DYNC2H1: variants seen among roughly 807,000 people sequenced by gnomAD.
DYNC2H1 encodes the protein dynein cytoplasmic 2 heavy chain 1.
Under a neutral mutation model 570.0 loss-of-function variants are expected in DYNC2H1, and 410 were observed. The observed-to-expected ratio is 0.72, with a 90% CI of 0.66 to 0.78. The LOEUF is 0.78. Among genes scored for constraint, DYNC2H1 ranks in the 30% least tolerant of loss-of-function variants. DYNC2H1 has a pLI of 0.00. For synonymous variants in DYNC2H1, 1,688 were observed against 1,677.6 expected, an observed-to-expected ratio of 1.01 and a Z score of -0.15; for missense variants, 4,865 against 5,046.4, an observed-to-expected ratio of 0.96 and a Z score of 1.09.
At chr11:103,393,831 C>T (rs1320181396) in intron 83 of DYNC2H1, among the ~76,000 whole-genome samples, 3 of 152,150 alleles carry the variant, frequency 2.0e-5, no homozygotes, top group Non-Finnish European at 4.4e-5. Context: ...GGAGTTAAGT[C>T]ACTTCTTATG....
intron 70 of DYNC2H1, among the ~76,000 whole-genome samples, chr11:103,263,491 C>T (rs1865393790): frequency 6.6e-6 from 1 of 151,996 alleles, no homozygotes; most frequent in Non-Finnish European, 1.5e-5. Context: ...TGGAAAAGAA[C>T]GGAAATCATA....
chr11:103,281,716 CAA>C (rs71066145), intron 71 of DYNC2H1, among the ~76,000 whole-genome samples: 4,358 of 128,994 alleles, frequency 0.034, 212 homozygotes, highest in African/African-American at 0.11. Flanking sequence ...AATTCTATGG[CAA>C]AAAAAAAAAA....
intron 73 of DYNC2H1, among the ~76,000 whole-genome samples, chr11:103,283,937 A>G (rs1008027166): frequency 1.3e-5 from 2 of 152,104 alleles, no homozygotes; most frequent in Non-Finnish European, 2.9e-5. Context: ...TGCTAGTGAC[A>G]GTCTTTACTT....
chr11:103,228,924 G>T lies in DYNC2H1; in HGVS notation c.9354-2336G>T, dbSNP rs590622. Among the ~76,000 whole-genome samples, 143,582 of 152,038 alleles carry T rather than the reference G, an allele frequency of 0.94. 67,875 individuals carry two copies. The highest frequency in any genetic ancestry group is 0.98 in the African/African-American group (40,738 of 41,482). ...GGCTTGTTGTGGCTGCTGTGGGGGA[G>T]GGGGGTGTGGTTTCCAGTCCAATGT... On this transcript the variant is annotated intron_variant, in intron 59 of 88. Coordinates refer to ENST00000375735, the MANE Select transcript of DYNC2H1 (RefSeq NM_001377.3). This position sits in a 1 kb window ranked among gnomAD's most constrained non-coding sequence, Gnocchi z 6.1.
intron 84 of DYNC2H1, among the ~76,000 whole-genome samples, chr11:103,418,709 A>G (rs12420502): frequency 0.13 from 20,487 of 152,202 alleles, 1,644 homozygotes; most frequent in Admixed American, 0.24. Context: ...GTGTGGGGTA[A>G]TGGCCCACCT....
intron 85 of DYNC2H1, among the ~76,000 whole-genome samples, chr11:103,443,745 T>C (rs1944343684): frequency 6.6e-6 from 1 of 151,918 alleles, no homozygotes; most frequent in Non-Finnish European, 1.5e-5. Flanking sequence ...TTCTGAAATT[T>C]GATAAGTGAG....
In DYNC2H1 at chr11:103,325,057, T is replaced by G. The variant is rs772623546; in HGVS notation, c.12039+1067T>G. On this transcript the variant is annotated intron_variant, in intron 82 of 88. Transcript: ENST00000375735. This position sits in a 1 kb window ranked among gnomAD's most constrained non-coding sequence, Gnocchi z 4.8. ...GTTTTTTGCCCACTTTTTAATGGGC[T>G]TGTTTGTTTTTTGCTTGTTAATTTC... Among the ~76,000 whole-genome samples the G allele has an allele frequency of 2.6e-5, 4 of 152,222 alleles. No individual in the cohort carries two copies. The highest frequency in any genetic ancestry group is 6.5e-5 in the Admixed American group (1 of 15,288).
rs533199815 is a variant in DYNC2H1 at position 103,299,729 on chromosome 11, T to A, written c.11096-3364T>A. 2.0e-5 allele frequency among the ~76,000 whole-genome samples: 3 copies of A among 152,262 alleles called. No homozygotes were observed. Among genetic ancestry groups the A allele is most frequent in the Non-Finnish European group, 2.9e-5 (2 of 68,004 alleles). On this transcript the variant is annotated intron_variant, in intron 75 of 88. Coordinates refer to ENST00000375735, the MANE Select transcript of DYNC2H1 (RefSeq NM_001377.3). The surrounding 1 kb of genome is among the most constrained non-coding windows in gnomAD (Gnocchi z 4.5). ...CCCACCTGAATAACACAGGATAATCTTCTTACTTTTAGGTTCATGACCTTA... is the reference window on the plus strand; with the variant it reads ...CCCACCTGAATAACACAGGATAATCATCTTACTTTTAGGTTCATGACCTTA...
intron 70 of DYNC2H1, among the ~76,000 whole-genome samples, chr11:103,269,345 C>T (rs991025969): frequency 5.9e-5 from 9 of 152,098 alleles, no homozygotes; most frequent in Non-Finnish European, 1.0e-4. Context: ...AAATTTATCA[C>T]TATAACCTTA....
In DYNC2H1 at chr11:103,320,599, A is replaced by G. The variant is rs535101317; in HGVS notation, c.11726-430A>G. On this transcript the variant is annotated intron_variant, in intron 80 of 88. Transcript: ENST00000375735. ...CTGACAGTTTCATCAAATGTGTAAAATTATGTTTTGGATAGGTTCTCTTAA... is the reference window on the plus strand; with the variant it reads ...CTGACAGTTTCATCAAATGTGTAAAGTTATGTTTTGGATAGGTTCTCTTAA... Among the ~76,000 whole-genome samples the G allele has an allele frequency of 2.6e-5, 4 of 152,268 alleles. No individual in the cohort carries two copies. The South Asian group carries it at 8.3e-4, about 32-fold the overall frequency.
Position 103,479,241 on chromosome 11 carries a change from A to C in DYNC2H1, c.12912A>C (p.Leu4304=), listed in dbSNP as rs1465955032. 5 of 1,610,288 alleles carry C rather than the reference A, an allele frequency of 3.1e-6. No homozygotes were observed. The highest frequency in any genetic ancestry group is 3.4e-6 in the Non-Finnish European group (4 of 1,178,186). Residue 4304 remains leucine (L), a synonymous_variant, in exon 89 of 89, where the codon CTA becomes CTC. Transcript: ENST00000375735. ...TTCAGTGTGGAGCAGCTCTATTCCT[A>C]AAAAATCAGTAGAATCTAATGACAA... ...QWIQCGAALF[L]KNQ
intron 34 of DYNC2H1, 21 bp downstream of exon 34, chr11:103,171,089 T>G: frequency 6.5e-7 from 1 of 1,528,330 alleles, no homozygotes; most frequent in Non-Finnish European, 8.9e-7. Flanking sequence ...TGTTGGGAAT[T>G]TAAAGAATTA....
At chr11:103,158,594 C>T (rs1860939022) in intron 26 of DYNC2H1, 83 bp from the exon 27 acceptor site, 8 of 1,088,638 alleles carry the variant, frequency 7.3e-6, no homozygotes, top group African/African-American at 1.6e-5. Flanking sequence ...TCATTTTAAG[C>T]AGGTAAAAAA....
chr11:103,158,264 G>A (rs964427568), intron 26 of DYNC2H1, among the ~76,000 whole-genome samples: 6 of 152,062 alleles, frequency 3.9e-5, no homozygotes, highest in Admixed American at 6.6e-5. Context: ...TGGCTAACAC[G>A]GTGAAACCCC....
chr11:103,460,000 A>G (rs183752625), intron 87 of DYNC2H1, among the ~76,000 whole-genome samples: 292 of 151,702 alleles, frequency 1.9e-3, no homozygotes, highest in Middle Eastern at 0.017. Flanking sequence ...GGACTTAGAA[A>G]AGTTTTCTTT....
chr11:103,335,476 T>TCGGGGGAAAACA (rs561416419), intron 82 of DYNC2H1, among the ~76,000 whole-genome samples: 22,607 of 88,354 alleles, frequency 0.26, 1,829 homozygotes, highest in Admixed American at 0.38. Context: ...GGATGTTTGG[T>TCGGGGGAAAACA]TGGCTTCTGG....
intron 84 of DYNC2H1, among the ~76,000 whole-genome samples, chr11:103,431,940 GGTATTGCA>G (rs1360190432): frequency 2.6e-5 from 4 of 152,086 alleles, no homozygotes; most frequent in Admixed American, 2.0e-4. Flanking sequence ...GCTGGCTGCA[GGTATTGCA>G]GTTTTTGATG....
At chr11:103,271,169 A>G (rs532590711) in intron 70 of DYNC2H1, among the ~76,000 whole-genome samples, 264 of 152,268 alleles carry the variant, frequency 1.7e-3, no homozygotes, top group South Asian at 4.4e-3. Flanking sequence ...TTCTGCGAAG[A>G]TTAGTTTTTC....
At chr11:103,217,685 T>C (rs680071) in intron 55 of DYNC2H1, among the ~76,000 whole-genome samples, 137,199 of 152,172 alleles carry the variant, frequency 0.9, 61,947 homozygotes, top group African/African-American at 0.93. Flanking sequence ...AAGACTTGTT[T>C]GATGTGATAT....
Sources: gnomAD v4.1 joint callset for allele counts (sites outside exome capture counted in the v4.1 genomes callset) on GRCh38, gnomAD v4.1.1 for gene constraint, Gnocchi (gnomAD v3.1) non-coding constraint, MANE v1.5 for transcripts, NCBI Gene and HGNC (gene_info 2026-07-23, HGNC 2026-07-21) for gene names.